Variants in IL36B observed in about 807,000 individuals in gnomAD.
IL36B encodes interleukin 36 beta.
IL36B carries 23 observed loss-of-function variants against 19.3 expected under a neutral mutation model. That is an observed-to-expected ratio of 1.19 (90% CI 0.86 to 1.69). The LOEUF (loss-of-function observed/expected upper bound fraction) is 1.69, where lower values mean the gene tolerates loss of function less well. Ranked by LOEUF, IL36B falls within the 40% of genes most tolerant of loss-of-function variation. The pLI, the probability that IL36B is intolerant of heterozygous loss-of-function variation, is 0.00. For missense variants in IL36B, 217 were observed against 200.5 expected (o/e 1.08, Z -0.50); for synonymous variants, 59 against 59.7 (o/e 0.99, Z 0.05).
At chr2:113,029,333 A>G (rs1411668718) in intron 3 of IL36B, among the ~76,000 whole-genome samples, 1 of 152,190 alleles carries the variant, frequency 6.6e-6, no homozygotes, top group Non-Finnish European at 1.5e-5. Flanking sequence ...TATGCTTAAG[A>G]TGTGGCCCAT....
intron 5 of IL36B, among the ~76,000 whole-genome samples, chr2:113,024,882 G>T (rs80066887): frequency 6.6e-6 from 1 of 152,122 alleles, no homozygotes; most frequent in Admixed American, 6.5e-5. Flanking sequence ...TATGTACTAC[G>T]TATCCAAGTA....
chr2:113,022,699 T>C lies in IL36B; in HGVS notation c.470A>G (p.Asn157Ser). ...CTACATCCTTCCTGGCATTCCTATG[T>C]TGGTCCGCATGGATGAGAAATCTTT... Residue 157 changes from asparagine to serine, a missense_variant, in exon 6 of 6, where the codon AAC becomes AGC. Transcript: ENST00000259213. 6.2e-7 allele frequency: 1 copy of C among 1,610,564 alleles called. No homozygotes were observed.
At chr2:113,043,544 TTTTC>T (rs2105054640) in intron 1 of IL36B, among the ~76,000 whole-genome samples, 1 of 152,340 alleles carries the variant, frequency 6.6e-6, no homozygotes, top group African/African-American at 2.4e-5. Context: ...CATGGTATTT[TTTTC>T]TCCACTGATT....
intron 1 of IL36B, among the ~76,000 whole-genome samples, chr2:113,046,815 G>C (rs1160844173): frequency 2.1e-5 from 3 of 140,056 alleles, no homozygotes; most frequent in African/African-American, 8.1e-5. Context: ...ATCTTACCTG[G>C]CTGAGATAGT....
rs560404140 is a variant in IL36B, at chr2:113,026,642, A to G, written c.262-410T>C. 2.0e-5 allele frequency among the ~76,000 whole-genome samples: 3 copies of G among 152,310 alleles called. No homozygotes were observed. In the East Asian group the frequency reaches 5.8e-4, roughly 29 times the overall value. The stretch of plus-strand genomic sequence containing the variant: ...TTATATTACAAACTTTAATTAAAAT[A>G]ACTCTCACAAAATGGACAACTGGCT... On this transcript the variant is annotated intron_variant, in intron 4 of 5. Coordinates refer to ENST00000259213, the MANE Select transcript of IL36B (RefSeq NM_014438.5).
chr2:113,031,133 A>T lies in IL36B; in HGVS notation c.36T>A (p.Tyr12Ter). Residue 12 changes from tyrosine to a stop codon, truncating the protein, a stop_gained, in exon 3 of 6, where the codon TAT (tyrosine) becomes TAA (stop). Coordinates refer to ENST00000259213, the MANE Select transcript of IL36B (RefSeq NM_014438.5). LOFTEE classifies it high-confidence loss of function. ...CCATCTGTCGAGAATCACGAATAGC[A>T]TAGGATTTGGGTGCTGCCTCCCCTG... The T allele has an allele frequency of 6.2e-7, 1 of 1,614,142 alleles. No homozygotes were observed. The highest frequency in any genetic ancestry group is 8.5e-7 in the Non-Finnish European group (1 of 1,179,972).
chr2:113,049,731 G>T (rs1034321349), intron 1 of IL36B, among the ~76,000 whole-genome samples: 9 of 152,192 alleles, frequency 5.9e-5, no homozygotes, highest in African/African-American at 2.2e-4. Context: ...GAGGTGGGCG[G>T]ACCACCTGAG....
chr2:113,032,012 G>A (rs753197526), intron 1 of IL36B, among the ~76,000 whole-genome samples: 1 of 152,116 alleles, frequency 6.6e-6, no homozygotes, highest in Non-Finnish European at 1.5e-5. Context: ...GTCTTGGTAT[G>A]CTTTCCATTA....
intron 5 of IL36B, among the ~76,000 whole-genome samples, chr2:113,023,446 A>G (rs891349030): frequency 4.6e-5 from 7 of 152,204 alleles, no homozygotes; most frequent in African/African-American, 1.7e-4. Flanking sequence ...GCATAGATAA[A>G]ACTGATTTTA....
intron 5 of IL36B, chr2:113,026,016 C>T: frequency 6.5e-7 from 1 of 1,536,646 alleles, no homozygotes; most frequent in South Asian, 1.2e-5. Context: ...TGTCTCAATA[C>T]TGCTGGGATC....
rs960326830 is a variant in IL36B at position 113,034,463 on chromosome 2, T to G, written c.-57-2697A>C. ...CTTCATAAAATGTATGCTTCCATGG[T>G]TTTGGAAAATGTATTTATCCATCTA... On this transcript the variant is annotated intron_variant, in intron 1 of 5. Coordinates refer to ENST00000259213, the MANE Select transcript of IL36B (RefSeq NM_014438.5). 3.3e-5 allele frequency among the ~76,000 whole-genome samples: 5 copies of G among 149,812 alleles called. No individual in the cohort carries two copies. The East Asian group carries it at 1.0e-3, about 30-fold the overall frequency.
intron 4 of IL36B, 53 bp from the exon 5 acceptor site, chr2:113,028,168 A>G: frequency 1.4e-6 from 2 of 1,437,504 alleles, no homozygotes; most frequent in East Asian, 4.5e-5. Context: ...AGGAAGCTAA[A>G]GTAACTCAGC....
chr2:113,049,444 A>C lies in IL36B; in HGVS notation c.-58+3373T>G, dbSNP rs34248406. ...TAGAACTCCTGTAACTCAACAACAA[A>C]AAAGCAAATAGCCCAGTTAAAAAAT... On this transcript the variant is annotated intron_variant, in intron 1 of 5. Transcript: ENST00000259213. Among the ~76,000 whole-genome samples the C allele has an allele frequency of 2.0e-3, 308 of 152,334 alleles. 4 individuals carry two copies. Among genetic ancestry groups the C allele is most frequent in the Middle Eastern group, 0.01 (3 of 294 alleles).
chr2:113,050,520 A>G (rs1685424955), intron 1 of IL36B, among the ~76,000 whole-genome samples: 1 of 152,120 alleles, frequency 6.6e-6, no homozygotes, highest in Non-Finnish European at 1.5e-5. Flanking sequence ...AGTTCTGGAG[A>G]TGGATGGTGG....
At chr2:113,028,213 CA>C in intron 4 of IL36B, 98 bp from the exon 5 acceptor site, 1 of 938,314 alleles carries the variant, frequency 1.1e-6, no homozygotes, top group South Asian at 1.5e-5. Context: ...CTGCTGCCCC[CA>C]AAGGAAGGGA....
At chr2:113,028,841 C>A (rs770143362) in intron 4 of IL36B, 98 bp downstream of exon 4, 13 of 1,308,018 alleles carry the variant, frequency 9.9e-6, no homozygotes, top group Non-Finnish European at 1.3e-5. Context: ...ATTGAATAGT[C>A]CAGGGTTGCA....
chr2:113,031,431 T>TA (rs549894756), intron 2 of IL36B, among the ~76,000 whole-genome samples: 41 of 152,056 alleles, frequency 2.7e-4, no homozygotes, highest in Middle Eastern at 3.4e-3. Context: ...GTCTAGGTGG[T>TA]AAAAAAAACC....
chr2:113,044,260 A>ATG (rs56838257), intron 1 of IL36B, among the ~76,000 whole-genome samples: 10,551 of 142,218 alleles, frequency 0.074, 497 homozygotes, highest in Non-Finnish European at 0.12. Context: ...CTATATCTAT[A>ATG]TGTGTGTGTG....
intron 1 of IL36B, among the ~76,000 whole-genome samples, chr2:113,051,569 C>T (rs1685446705): frequency 6.6e-6 from 1 of 152,196 alleles, no homozygotes; most frequent in African/African-American, 2.4e-5. Context: ...GCAACAAAGC[C>T]ACTGGCCTCT....
Sources: gnomAD v4.1 joint callset for allele counts (sites outside exome capture counted in the v4.1 genomes callset) on GRCh38, gnomAD v4.1.1 for gene constraint, MANE v1.5 for transcripts, NCBI Gene and HGNC (gene_info 2026-07-23, HGNC 2026-07-21) for gene names.